Variants in SORCS3 observed in about 807,000 individuals in gnomAD.
SORCS3 encodes VPS10 domain-containing receptor SorCS3.
In SORCS3, 57 loss-of-function variants were observed where a neutral mutation model predicts 146.3. That is an observed-to-expected ratio of 0.39 (90% CI 0.31 to 0.49). The LOEUF (loss-of-function observed/expected upper bound fraction) is 0.49. Ranked by LOEUF, SORCS3 falls within the 20% of genes least tolerant of loss-of-function variation. The pLI, the probability that SORCS3 is intolerant of heterozygous loss-of-function variation, is 0.92. For synonymous variants in SORCS3, 653 were observed against 618.5 expected (o/e 1.06, Z -0.83); for missense variants, 1,341 against 1,575.5 (o/e 0.85, Z 2.52).
intron 23 of SORCS3, 52 bp downstream of exon 23, chr10:105,252,958 G>A (rs185914675): frequency 1.9e-6 from 3 of 1,587,036 alleles, no homozygotes; most frequent in African/African-American, 1.4e-5. Flanking sequence ...TACACCCTGA[G>A]AGGGCACAAA....
chr10:104,753,179 A>T (rs755646454), intron 1 of SORCS3, among the ~76,000 whole-genome samples: 36 of 152,348 alleles, frequency 2.4e-4, no homozygotes, highest in Non-Finnish European at 4.1e-4. Context: ...TGGGTAATCT[A>T]TCCAAATGAG....
intron 1 of SORCS3, among the ~76,000 whole-genome samples, chr10:104,644,944 A>G (rs1381124697): frequency 6.6e-6 from 1 of 152,200 alleles, no homozygotes; most frequent in African/African-American, 2.4e-5. Flanking sequence ...AGCCCACCCC[A>G]TTGGTCCAGT....
intron 1 of SORCS3, among the ~76,000 whole-genome samples, chr10:104,801,617 G>C (rs564803374): frequency 6.6e-6 from 1 of 152,210 alleles, no homozygotes; most frequent in Non-Finnish European, 1.5e-5. Context: ...GCGGTTCAGT[G>C]TAGATGGGAT....
intron 4 of SORCS3, among the ~76,000 whole-genome samples, chr10:104,984,219 A>G (rs1039204753): frequency 6.6e-6 from 1 of 152,234 alleles, no homozygotes; most frequent in Admixed American, 6.5e-5. Flanking sequence ...TGTTAATATT[A>G]GAGAACTAGA....
At chr10:104,823,477 C>T (rs1040541661) in intron 1 of SORCS3, among the ~76,000 whole-genome samples, 2 of 152,196 alleles carry the variant, frequency 1.3e-5, no homozygotes, top group Non-Finnish European at 2.9e-5. Flanking sequence ...TCCCTTCTCT[C>T]CTTTCCCACT....
chr10:105,105,429 T>C lies in SORCS3; in HGVS notation c.1126T>C (p.Cys376Arg). ...CTACCTCACCTGCAGGATCCAGGAA[T>C]GTGCCGAGACAACTAGAAGTGGGCC... ...AHYLTCRIQE[C>R]AETTRSGPFA... The change falls in exon 7 of 27, where the codon TGT becomes CGT. Residue 376 changes from cysteine to arginine, a missense_variant. Cys to Arg is a radical substitution (Grantham distance 180). Coordinates refer to ENST00000369701, the MANE Select transcript of SORCS3 (RefSeq NM_014978.3). The C allele has an allele frequency of 1.2e-6, 2 of 1,613,682 alleles. No individual in the cohort carries two copies. Among genetic ancestry groups the C allele is most frequent in the Non-Finnish European group, 1.7e-6 (2 of 1,179,696 alleles).
intron 4 of SORCS3, among the ~76,000 whole-genome samples, chr10:105,012,072 A>C (rs1411296495): frequency 6.6e-6 from 1 of 152,180 alleles, no homozygotes; most frequent in East Asian, 1.9e-4. Flanking sequence ...CATAAGTTTC[A>C]GAGCATTCTT....
At chr10:104,991,626 C>T (rs140058886) in intron 4 of SORCS3, among the ~76,000 whole-genome samples, 5 of 152,024 alleles carry the variant, frequency 3.3e-5, no homozygotes, top group South Asian at 4.2e-4. Flanking sequence ...CTCAGCCTCC[C>T]GAGTGGCTGG....
At chr10:105,075,082 G>A (rs941026191) in intron 5 of SORCS3, among the ~76,000 whole-genome samples, 1 of 152,044 alleles carries the variant, frequency 6.6e-6, no homozygotes, top group Non-Finnish European at 1.5e-5. Flanking sequence ...TCTCCTTAAT[G>A]CCCTTTGCCT....
At chr10:104,967,376 C>T (rs75435037) in intron 3 of SORCS3, among the ~76,000 whole-genome samples, 7,573 of 152,212 alleles carry the variant, frequency 0.05, 599 homozygotes, top group African/African-American at 0.17. Flanking sequence ...CAAACAAACA[C>T]ACGTACAGAC....
At chr10:104,800,354 A>G (rs1202054582) in intron 1 of SORCS3, among the ~76,000 whole-genome samples, 1 of 152,224 alleles carries the variant, frequency 6.6e-6, no homozygotes, top group Non-Finnish European at 1.5e-5. Context: ...TGGGCAGACC[A>G]CAGAGTATTT....
At chr10:104,769,947 G>A (rs1328010859) in intron 1 of SORCS3, among the ~76,000 whole-genome samples, 1 of 152,164 alleles carries the variant, frequency 6.6e-6, no homozygotes, top group African/African-American at 2.4e-5. Flanking sequence ...TTATGGCAGT[G>A]TTGGCTGCCC....
intron 8 of SORCS3, among the ~76,000 whole-genome samples, chr10:105,144,861 G>C (rs703487): frequency 0.52 from 79,186 of 151,844 alleles, 20,949 homozygotes; most frequent in Middle Eastern, 0.57. Flanking sequence ...AGCTAATTAT[G>C]CTTTTCTTTT....
chr10:104,746,144 T>A (rs115991550), intron 1 of SORCS3, among the ~76,000 whole-genome samples: 1,871 of 151,920 alleles, frequency 0.012, 37 homozygotes, highest in African/African-American at 0.042. Context: ...TTTTCTTTTT[T>A]TTTTTTTTTT....
At chr10:105,111,973 G>A (rs1486762714) in intron 7 of SORCS3, among the ~76,000 whole-genome samples, 2 of 152,222 alleles carry the variant, frequency 1.3e-5, no homozygotes, top group Non-Finnish European at 2.9e-5. Context: ...GTGGGAGGGA[G>A]TGGAGTGGTA....
chr10:105,165,315 C>G (rs2056303317), intron 12 of SORCS3, among the ~76,000 whole-genome samples: 2 of 151,998 alleles, frequency 1.3e-5, no homozygotes, highest in Admixed American at 1.3e-4. Context: ...CTGGAGAAAC[C>G]AGGAAAGACA....
At chr10:104,945,625 A>T (rs1333037065) in intron 3 of SORCS3, among the ~76,000 whole-genome samples, 1 of 151,274 alleles carries the variant, frequency 6.6e-6, no homozygotes, top group Non-Finnish European at 1.5e-5. Flanking sequence ...CTCATCTTTG[A>T]AAGTTTATCA....
At chr10:104,702,472 G>C (rs1458332369) in intron 1 of SORCS3, among the ~76,000 whole-genome samples, 1 of 152,106 alleles carries the variant, frequency 6.6e-6, no homozygotes, top group Non-Finnish European at 1.5e-5. Context: ...GTTTTCAGTA[G>C]AGATGGGGTT....
intron 1 of SORCS3, among the ~76,000 whole-genome samples, chr10:104,713,835 C>A (rs924245563): frequency 6.6e-6 from 1 of 152,092 alleles, no homozygotes; most frequent in African/African-American, 2.4e-5. Context: ...AAATTGGAAT[C>A]ATTTCTTTCT....
Sources: gnomAD v4.1 joint callset for allele counts (sites outside exome capture counted in the v4.1 genomes callset) on GRCh38, gnomAD v4.1.1 for gene constraint, MANE v1.5 for transcripts, NCBI Gene and HGNC (gene_info 2026-07-23, HGNC 2026-07-21) for gene names.